Variants in KPNA3 observed in about 807,000 individuals in gnomAD.
The protein encoded by KPNA3 is karyopherin subunit alpha 3, also known as importin subunit alpha-4.
Under a neutral mutation model 73.8 loss-of-function variants are expected in KPNA3, and 13 were observed. That is an observed-to-expected ratio of 0.18 (90% confidence interval 0.11 to 0.28). The LOEUF (loss-of-function observed/expected upper bound fraction) is 0.28, where lower values mean the gene tolerates loss of function less well. KPNA3 is among the 10% of genes least tolerant of loss of function. The pLI is 1.00. For missense variants in KPNA3, 360 were observed against 618.1 expected, an observed-to-expected ratio of 0.58 and a Z score of 4.43; for synonymous variants, 186 against 206.9, an observed-to-expected ratio of 0.90 and a Z score of 0.87.
At chr13:49,742,157 C>T (rs1156658350) in intron 2 of KPNA3, among the ~76,000 whole-genome samples, 1 of 152,130 alleles carries the variant, frequency 6.6e-6, no homozygotes, top group Admixed American at 6.5e-5. Context: ...CTGTCCTTTC[C>T]TGTGGCATGT....
At position 49,785,059 on chromosome 13, in the gene KPNA3, T is replaced by C. The variant is rs538837707; in HGVS notation, c.69+7379A>G. 4.6e-5 allele frequency among the ~76,000 whole-genome samples: 7 copies of C among 151,960 alleles called. No homozygotes were observed. The South Asian group carries it at 6.2e-4, about 14-fold the overall frequency. On this transcript the variant is annotated intron_variant, in intron 1 of 16. Transcript: ENST00000261667. ...CCAGTCAGCAAGATGGCCCTGAGAA[T>C]AGAAATAGCACTGGCGAGGAGGGGC...
At chr13:49,711,063 T>A (rs1448171788) in intron 10 of KPNA3, 41 bp from the exon 11 acceptor site, 28 of 1,569,492 alleles carry the variant, frequency 1.8e-5, no homozygotes, top group Non-Finnish European at 2.4e-5. Flanking sequence ...ACATATTTGT[T>A]TGAATGCTTT....
chr13:49,745,231 A>G (rs1036521460), intron 2 of KPNA3, among the ~76,000 whole-genome samples: 13 of 152,238 alleles, frequency 8.5e-5, no homozygotes, highest in Admixed American at 7.9e-4. Context: ...TGTATGAAAC[A>G]AAGTGTGTAT....
chr13:49,766,070 C>CT (rs1488486984), intron 1 of KPNA3, among the ~76,000 whole-genome samples: 1 of 152,204 alleles, frequency 6.6e-6, no homozygotes, highest in Non-Finnish European at 1.5e-5. Flanking sequence ...GATAACAGCA[C>CT]TCTCTAAAAG....
chr13:49,750,437 G>A (rs1485160573), intron 1 of KPNA3, among the ~76,000 whole-genome samples: 3 of 152,218 alleles, frequency 2.0e-5, no homozygotes, highest in South Asian at 2.1e-4. Flanking sequence ...AGGATCACTT[G>A]AGCACAGCCA....
chr13:49,788,085 C>T (rs1436397534), intron 1 of KPNA3, among the ~76,000 whole-genome samples: 1 of 152,182 alleles, frequency 6.6e-6, no homozygotes, highest in African/African-American at 2.4e-5. Context: ...CAAGTTGCCT[C>T]AGCAGTAAAT....
intron 1 of KPNA3, among the ~76,000 whole-genome samples, chr13:49,748,742 A>G (rs1433218037): frequency 6.6e-6 from 1 of 152,128 alleles, no homozygotes; most frequent in Non-Finnish European, 1.5e-5. Flanking sequence ...ATATACTGAT[A>G]AAAACTATTA....
chr13:49,705,975 TAA>T (rs1954203821), intron 14 of KPNA3, 121 bp downstream of exon 14: 1 of 1,072,784 alleles, frequency 9.3e-7, no homozygotes, highest in Admixed American at 2.5e-5. Flanking sequence ...CTCCATCTCT[TAA>T]AATAATAATA....
At chr13:49,778,571 A>T (rs960260702) in intron 1 of KPNA3, among the ~76,000 whole-genome samples, 1 of 152,248 alleles carries the variant, frequency 6.6e-6, no homozygotes, top group Non-Finnish European at 1.5e-5. Flanking sequence ...TTAAAATGCC[A>T]CATGGGAGTT....
At chr13:49,740,328 T>C (rs1954562182) in intron 2 of KPNA3, among the ~76,000 whole-genome samples, 1 of 152,092 alleles carries the variant, frequency 6.6e-6, no homozygotes, top group Non-Finnish European at 1.5e-5. Flanking sequence ...AAATCTACTG[T>C]CAGTGATTTT....
chr13:49,761,528 C>T (rs1566354520), intron 1 of KPNA3, among the ~76,000 whole-genome samples: 2 of 152,272 alleles, frequency 1.3e-5, no homozygotes, highest in African/African-American at 4.8e-5. Flanking sequence ...GACGGAGTCT[C>T]GTTCACTCAG....
At chr13:49,719,933 T>C in intron 9 of KPNA3, 114 bp from the exon 10 acceptor site, 1 of 667,670 alleles carries the variant, frequency 1.5e-6, no homozygotes. Context: ...AAAGACAATG[T>C]TAAATTTGTC....
At chr13:49,757,745 C>T (rs1954723647) in intron 1 of KPNA3, among the ~76,000 whole-genome samples, 1 of 152,120 alleles carries the variant, frequency 6.6e-6, no homozygotes, top group African/African-American at 2.4e-5. Context: ...CAGCTTTATT[C>T]TTAATAGCTA....
chr13:49,733,282 G>GTTTTTTTT lies in KPNA3; in HGVS notation c.115-244_115-237dup, dbSNP rs760449062. On this transcript the variant is annotated intron_variant, in intron 2 of 16. Coordinates refer to ENST00000261667, the MANE Select transcript of KPNA3 (RefSeq NM_002267.4). ...CACTTCATTAAGCACCCACTGTGGTGTTTTTTTTTTTTTTTTTTTTTGGAG... is the reference window on the plus strand; with the variant it reads ...CACTTCATTAAGCACCCACTGTGGTGTTTTTTTTTTTTTTTTTTTTTTTTTTTTTGGAG... Among the ~76,000 whole-genome samples, 102 of 100,900 alleles carry GTTTTTTTT rather than the reference G, an allele frequency of 1.0e-3. 4 individuals carry two copies. Among genetic ancestry groups the GTTTTTTTT allele is most frequent in the Admixed American group, 1.4e-3 (12 of 8,420 alleles). 66.2% of individuals were successfully genotyped at this position (100,900 alleles called of 152,430 possible). A position where few individuals can be genotyped will look rare whatever the true frequency, so the allele number is the denominator to read the frequency against.
At chr13:49,747,015 T>A (rs924295449) in intron 1 of KPNA3, 22 bp from the exon 2 acceptor site, 1 of 1,573,540 alleles carries the variant, frequency 6.4e-7, no homozygotes, top group South Asian at 1.1e-5. Context: ...AAACAAAGAT[T>A]ACAGATGTAT....
chr13:49,721,123 G>A (rs1954352481), intron 9 of KPNA3, among the ~76,000 whole-genome samples: 1 of 151,688 alleles, frequency 6.6e-6, no homozygotes, highest in Non-Finnish European at 1.5e-5. Flanking sequence ...GGAGGCTGAG[G>A]CACGAGACTC....
At chr13:49,719,720 C>T (rs1192959287) in intron 10 of KPNA3, 55 bp downstream of exon 10, 1 of 1,186,890 alleles carries the variant, frequency 8.4e-7, no homozygotes, top group South Asian at 1.3e-5. Context: ...TACATAAAAA[C>T]CCTTTCTGTC....
At chr13:49,769,123 TATC>T (rs1954833046) in intron 1 of KPNA3, among the ~76,000 whole-genome samples, 1 of 151,680 alleles carries the variant, frequency 6.6e-6, no homozygotes, top group African/African-American at 2.4e-5. Context: ...GTCCAGATAT[TATC>T]ATTGTTATCT....
intron 2 of KPNA3, among the ~76,000 whole-genome samples, chr13:49,739,567 G>A (rs1338280409): frequency 1.3e-5 from 2 of 152,170 alleles, no homozygotes; most frequent in Non-Finnish European, 2.9e-5. Context: ...CACACGAAAG[G>A]AGTCAGAGGC....
Sources: allele counts gnomAD v4.1 joint callset (sites outside exome capture counted in the v4.1 genomes callset), GRCh38; gene constraint gnomAD v4.1.1; transcripts MANE v1.5; gene names NCBI Gene and HGNC (gene_info 2026-07-23, HGNC 2026-07-21).